Variants in GABRG3 observed in about 807,000 individuals in gnomAD.
The protein encoded by GABRG3 is gamma-aminobutyric acid type A receptor subunit gamma3.
In GABRG3, 25 loss-of-function variants were observed where a neutral mutation model predicts 48.8. That is an observed-to-expected ratio of 0.51 (90% CI 0.37 to 0.72). GABRG3 has a LOEUF of 0.72. Ranked by LOEUF, GABRG3 falls within the 30% of genes least tolerant of loss-of-function variation. The pLI is 0.00. For synonymous variants in GABRG3, 227 were observed against 217.6 expected, an observed-to-expected ratio of 1.04 and a Z score of -0.38; for missense variants, 394 against 577.9, an observed-to-expected ratio of 0.68 and a Z score of 3.26.
chr15:27,198,897 A>C (rs1176403466), intron 3 of GABRG3, among the ~76,000 whole-genome samples: 2 of 152,204 alleles, frequency 1.3e-5, no homozygotes, highest in Admixed American at 1.3e-4. Flanking sequence ...ACACAAGAAC[A>C]GAAAACTAAA....
intron 6 of GABRG3, among the ~76,000 whole-genome samples, chr15:27,501,137 G>C (rs1890623024): frequency 6.6e-6 from 1 of 152,128 alleles, no homozygotes; most frequent in East Asian, 1.9e-4. Context: ...ATTTTTAGTA[G>C]AGACAGGGTT....
At chr15:27,025,801 C>T (rs1895973730) in intron 2 of GABRG3, among the ~76,000 whole-genome samples, 4 of 152,182 alleles carry the variant, frequency 2.6e-5, no homozygotes, top group Admixed American at 2.6e-4. Context: ...TCTATAGAAA[C>T]AGTCTGTTTC....
chr15:27,509,544 CT>C (rs1890847619), intron 6 of GABRG3, among the ~76,000 whole-genome samples: 1 of 152,098 alleles, frequency 6.6e-6, no homozygotes, highest in South Asian at 2.1e-4. Flanking sequence ...TCATATTTCT[CT>C]TTTTGTTTTA....
At chr15:27,516,945 A>G (rs1276267060) in intron 6 of GABRG3, among the ~76,000 whole-genome samples, 1 of 152,230 alleles carries the variant, frequency 6.6e-6, no homozygotes, top group Admixed American at 6.5e-5. Flanking sequence ...TCTGAATATG[A>G]GCTGAGGAAG....
intron 3 of GABRG3, among the ~76,000 whole-genome samples, chr15:27,036,435 A>G (rs1437175071): frequency 2.6e-5 from 4 of 152,204 alleles, no homozygotes; most frequent in Admixed American, 6.5e-5. Context: ...GCTCATGCCT[A>G]TAATCCCAGG....
At chr15:27,328,678 G>A in intron 4 of GABRG3, 128 bp from the exon 5 acceptor site, 1 of 685,374 alleles carries the variant, frequency 1.5e-6, no homozygotes, top group South Asian at 1.7e-5. Context: ...CCCGGGCCAA[G>A]AGTGAGCCGC....
chr15:27,431,121 A>G (rs565449858), intron 5 of GABRG3, among the ~76,000 whole-genome samples: 2 of 151,948 alleles, frequency 1.3e-5, no homozygotes, highest in African/African-American at 2.4e-5. Context: ...GTAGCACACT[A>G]TATTTATTAG....
chr15:27,285,536 AT>A (rs1176708394), intron 3 of GABRG3, among the ~76,000 whole-genome samples: 1 of 152,200 alleles, frequency 6.6e-6, no homozygotes, highest in East Asian at 1.9e-4. Context: ...TATCATAGAC[AT>A]TCAATAAAAG....
At chr15:26,979,493 C>T (rs1477215186) in intron 2 of GABRG3, among the ~76,000 whole-genome samples, 1 of 151,986 alleles carries the variant, frequency 6.6e-6, no homozygotes, top group Non-Finnish European at 1.5e-5. Flanking sequence ...TGTACATGTT[C>T]TTTATCCAGT....
intron 4 of GABRG3, among the ~76,000 whole-genome samples, chr15:27,328,385 G>T (rs1430709201): frequency 6.6e-6 from 1 of 152,210 alleles, no homozygotes; most frequent in Non-Finnish European, 1.5e-5. Flanking sequence ...TGAAAGAGGG[G>T]CAGTTGTCCA....
chr15:26,973,653 C>T (rs1201656382), intron 1 of GABRG3, among the ~76,000 whole-genome samples: 1 of 152,156 alleles, frequency 6.6e-6, no homozygotes, highest in Non-Finnish European at 1.5e-5. Context: ...ATTTTGACAC[C>T]CATGGGCATC....
At chr15:27,384,125 T>A (rs1181265463) in intron 5 of GABRG3, among the ~76,000 whole-genome samples, 2 of 152,244 alleles carry the variant, frequency 1.3e-5, no homozygotes, top group East Asian at 3.8e-4. Context: ...TGCAAACATG[T>A]CAGCTCAATG....
At chr15:27,426,329 AG>A (rs1317751645) in intron 5 of GABRG3, among the ~76,000 whole-genome samples, 2 of 152,290 alleles carry the variant, frequency 1.3e-5, no homozygotes, top group East Asian at 1.9e-4. Flanking sequence ...CCCACACAAA[AG>A]GGCATGAAGG....
chr15:27,494,767 GAT>G (rs1431070946), intron 6 of GABRG3, among the ~76,000 whole-genome samples: 1 of 152,050 alleles, frequency 6.6e-6, no homozygotes, highest in East Asian at 1.9e-4. Context: ...TAATCTTATT[GAT>G]AGTTTGGAGA....
chr15:27,402,952 C>G (rs1887517298), intron 5 of GABRG3, among the ~76,000 whole-genome samples: 1 of 152,070 alleles, frequency 6.6e-6, no homozygotes, highest in African/African-American at 2.4e-5. Flanking sequence ...GAGCATGTAC[C>G]TATGTGATCA....
chr15:27,008,681 C>T (rs559305239), intron 2 of GABRG3, among the ~76,000 whole-genome samples: 48 of 152,128 alleles, frequency 3.2e-4, no homozygotes, highest in African/African-American at 1.1e-3. Flanking sequence ...TACCATCCCC[C>T]TGCAAAAGGG....
chr15:27,198,609 G>A (rs1888582976), intron 3 of GABRG3, among the ~76,000 whole-genome samples: 1 of 152,104 alleles, frequency 6.6e-6, no homozygotes, highest in African/African-American at 2.4e-5. Context: ...GAATCTAGAA[G>A]CAGAAATACC....
At chr15:27,451,064 C>T (rs965076049) in intron 5 of GABRG3, among the ~76,000 whole-genome samples, 1 of 152,132 alleles carries the variant, frequency 6.6e-6, no homozygotes. Context: ...ACCCCATGTT[C>T]ATGGATTGGA....
At chr15:26,980,515 A>C (rs900991967) in intron 2 of GABRG3, among the ~76,000 whole-genome samples, 10 of 151,876 alleles carry the variant, frequency 6.6e-5, no homozygotes, top group African/African-American at 2.4e-4. Context: ...GTCTCTACTA[A>C]AAAATACAGA....
Sources: allele counts gnomAD v4.1 joint callset (sites outside exome capture counted in the v4.1 genomes callset), GRCh38; gene constraint gnomAD v4.1.1; transcripts MANE v1.5; gene names NCBI Gene and HGNC (gene_info 2026-07-23, HGNC 2026-07-21).